Variants in HLA-G observed in about 807,000 individuals in gnomAD.
The protein encoded by HLA-G is HLA class I histocompatibility antigen, alpha chain G.
A neutral mutation model predicts 39.3 loss-of-function variants in HLA-G; 34 were observed. The observed-to-expected ratio is 0.86, with a 90% CI of 0.66 to 1.15. The LOEUF (loss-of-function observed/expected upper bound fraction) is 1.15, where lower values mean the gene tolerates loss of function less well. Ranked by LOEUF, HLA-G falls within the 50% of genes most tolerant of loss-of-function variation. HLA-G has a pLI of 0.00. For synonymous variants in HLA-G, 183 were observed against 185.8 expected, an observed-to-expected ratio of 0.99 and a Z score of 0.12; for missense variants, 419 against 456.4, an observed-to-expected ratio of 0.92 and a Z score of 0.75.
intron 6 of HLA-G, 146 bp downstream of exon 6, chr6:29,830,556 GT>G: frequency 1.2e-6 from 1 of 812,310 alleles, no homozygotes; most frequent in Non-Finnish European, 2.2e-6. Context: ...ACTCTAGGCA[GT>G]GACAGTGCCC....
Position 29,827,858 on chromosome 6 carries a change from C to T in HLA-G, c.14C>T (p.Ala5Val), listed in dbSNP as rs2113848758. Residue 5 changes from alanine (A) to valine (V), a missense_variant, in exon 1 of 7, where the codon GCG becomes GTG. Transcript: ENST00000360323. ...CAGACGCCAAGGATGGTGGTCATGG[C>T]GCCCCGAACCCTCTTCCTGCTGCTC... The part of the protein sequence containing the change: MVVM[A>V]PRTLFLLLSG... 6.2e-7 allele frequency: 1 copy of T among 1,613,380 alleles called. No individual in the cohort carries two copies. Among genetic ancestry groups the T allele is most frequent in the African/African-American group, 1.3e-5 (1 of 75,018 alleles).
chr6:29,827,429 T>G, upstream of HLA-G: 1 of 349,906 alleles, frequency 2.9e-6, no homozygotes, highest in South Asian at 2.3e-5. Flanking sequence ...AGGCAGGGAG[T>G]CCAGTTCAGG....
At chr6:29,828,492 C>CGGGCGA (rs1201954679) in intron 2 of HLA-G, 51 bp from the exon 3 acceptor site, 16 of 1,589,474 alleles carry the variant, frequency 1.0e-5, no homozygotes, top group South Asian at 2.3e-5. Flanking sequence ...CGGGTGGGTC[C>CGGGCGA]GGGCGAGGGC....
In HLA-G at chr6:29,828,715, G is replaced by A. The variant is rs17875402; in HGVS notation, c.516G>A (p.Glu172=). Residue 172 remains glutamate (E), a synonymous_variant, in exon 3 of 7, where the codon GAG becomes GAA. Transcript: ENST00000360323. ...TAAQISKRKC[E]AANVAEQRRA... ...CTCAGATCTCCAAGCGCAAGTGTGA[G>A]GCGGCCAATGTGGCTGAACAAAGGA... 9.2e-4 allele frequency: 1,477 copies of A among 1,613,868 alleles called. 11 individuals carry two copies. The African/African-American group carries it at 0.017, about 19-fold the overall frequency.
At chr6:29,829,096 C>T (rs1761009891) in intron 3 of HLA-G, among the ~76,000 whole-genome samples, 1 of 152,020 alleles carries the variant, frequency 6.6e-6, no homozygotes, top group Non-Finnish European at 1.5e-5. Flanking sequence ...CCCACAGCAG[C>T]CTTGGCACCA....
rs1430565057 is a variant in HLA-G at position 29,829,499 on chromosome 6, C to T, written c.701C>T (p.Pro234Leu). 3.1e-6 allele frequency: 5 copies of T among 1,613,930 alleles called. No individual in the cohort carries two copies. The highest frequency in any genetic ancestry group is 2.2e-5 in the South Asian group (2 of 91,056). ...AGGTGCTGGGCCCTGGGCTTCTACC[C>T]TGCGGAGATCATACTGACCTGGCAG... ...TLRCWALGFY[P>L]AEIILTWQRD... Residue 234 changes from proline to leucine, a missense_variant, in exon 4 of 7, where the codon CCT (proline) becomes CTT (leucine). By Grantham distance (98) the Pro-to-Leu change is moderately conservative. Around this residue, in one of 2 missense-constraint regions of HLA-G, gnomAD observed 328 missense variants for 323.0 expected, o/e 1.02. Coordinates refer to ENST00000360323, the MANE Select transcript of HLA-G (RefSeq NM_001384290.1).
rs768569399 is a variant in HLA-G at position 29,828,300 on chromosome 6, C to G, written c.327C>G (p.Tyr109Ter). 2 of 1,612,998 alleles carry G rather than the reference C, an allele frequency of 1.2e-6. No individual in the cohort carries two copies. The highest frequency in any genetic ancestry group is 1.1e-5 in the South Asian group (1 of 91,034). Residue 109 changes from tyrosine (Y) to a stop codon, truncating the protein, a stop_gained, in exon 2 of 7, where the codon TAC (tyrosine) becomes TAG (stop). Transcript: ENST00000360323. LOFTEE classifies it high-confidence loss of function. ...ACCTGCAGACCCTGCGCGGCTACTA[C>G]AACCAGAGCGAGGCCAGTGAGTAAC... ...RMNLQTLRGY[Y>*]NQSEASSHTL...
In HLA-G at chr6:29,829,447, C is replaced by G. The variant is rs778230490; in HGVS notation, c.649C>G (p.Pro217Ala). Residue 217 changes from proline to alanine, a missense_variant, in exon 4 of 7, where the codon CCT becomes GCT. Pro to Ala is a conservative substitution (Grantham distance 27, BLOSUM62 -1). Transcript: ENST00000360323. ...DPPKTHVTHH[P>A]VFDYEATLRC... ...CCCCAAGACACACGTGACCCACCAC[C>G]CTGTCTTTGACTATGAGGCCACCCT... 3.7e-6 allele frequency: 6 copies of G among 1,613,802 alleles called. No homozygotes were observed. The highest frequency in any genetic ancestry group is 5.1e-6 in the Non-Finnish European group (6 of 1,179,832).
At chr6:29,827,228 T>C (rs1242655460), upstream of HLA-G, among the ~76,000 whole-genome samples, 1 of 152,192 alleles carries the variant, frequency 6.6e-6, no homozygotes, top group Non-Finnish European at 1.5e-5. Context: ...CTACCCACTA[T>C]AGTTAATAAA....
At chr6:29,828,422 C>T (rs1010688900) in intron 2 of HLA-G, 106 bp downstream of exon 2, 12 of 1,549,100 alleles carry the variant, frequency 7.7e-6, no homozygotes, top group East Asian at 2.3e-5. Flanking sequence ...CCCGAGGCCG[C>T]GGGACCCGCC....
chr6:29,828,374 G>C (rs1215204673), intron 2 of HLA-G, 58 bp downstream of exon 2: 28 of 1,569,850 alleles, frequency 1.8e-5, no homozygotes, highest in Non-Finnish European at 2.3e-5. Flanking sequence ...CCCCACGGAC[G>C]GCCCGGGTAC....
rs113783901 is a variant in HLA-G, at chr6:29,828,736, A to G, written c.537A>G (p.Gln179=). ...RKCEAANVAE[Q]RRAYLEGTCV... is the part of the protein sequence containing the mutation. Reference sequence around the variant, plus strand: ...GTGAGGCGGCCAATGTGGCTGAACAAAGGAGAGCCTACCTGGAGGGCACGT... The same window carrying G: ...GTGAGGCGGCCAATGTGGCTGAACAGAGGAGAGCCTACCTGGAGGGCACGT... Residue 179 remains glutamine, a synonymous_variant, in exon 3 of 7, where the codon CAA becomes CAG. Coordinates refer to ENST00000360323, the MANE Select transcript of HLA-G (RefSeq NM_001384290.1). 2 of 1,613,754 alleles carry G rather than the reference A, an allele frequency of 1.2e-6. No individual in the cohort carries two copies. Among genetic ancestry groups the G allele is most frequent in the Non-Finnish European group, 1.7e-6 (2 of 1,179,978 alleles).
intron 1 of HLA-G, 52 bp downstream of exon 1, chr6:29,827,969 C>G (rs1011941129): frequency 4.4e-6 from 7 of 1,588,076 alleles, no homozygotes; most frequent in Non-Finnish European, 6.0e-6. Flanking sequence ...AGGGAGGGGC[C>G]GGCCCGGCGG....
rs1628628 is a variant in HLA-G, at chr6:29,828,032, C to T, written c.74-15C>T. The T allele has an allele frequency of 0.41, 653,915 of 1,599,672 alleles. 129,446 individuals are homozygous for T. Among genetic ancestry groups the T allele is most frequent in the South Asian group, 0.5 (45,059 of 90,032 alleles). ...GAGGAGGGTCGGGCGGGTCTCAACC[C>T]CTCCTCGCCCCCAGGCTCCCACTCC... On this transcript the variant is annotated splice_polypyrimidine_tract_variant and intron_variant, in intron 1 of 6. Transcript: ENST00000360323.
In HLA-G at chr6:29,828,694, G is replaced by A. The variant is rs75783850; in HGVS notation, c.495G>A (p.Gln165=). 1.2e-6 allele frequency: 2 copies of A among 1,613,716 alleles called. No individual in the cohort carries two copies. Among genetic ancestry groups the A allele is most frequent in the South Asian group, 1.1e-5 (1 of 91,092 alleles). ...GGACCGCAGCGGACACTGCGGCTCA[G>A]ATCTCCAAGCGCAAGTGTGAGGCGG... The part of the protein sequence containing the change: ...RSWTAADTAA[Q]ISKRKCEAAN... The change falls in exon 3 of 7, where the codon CAG becomes CAA. Residue 165 remains glutamine (Q), a synonymous_variant. Transcript: ENST00000360323.
In HLA-G at chr6:29,829,529, A is replaced by G. The variant is rs754527717; in HGVS notation, c.731A>G (p.Asp244Gly). The G allele has an allele frequency of 8.1e-6, 13 of 1,613,644 alleles. No individual in the cohort carries two copies. The highest frequency in any genetic ancestry group is 1.1e-5 in the Non-Finnish European group (13 of 1,179,876). The change falls in exon 4 of 7, where the codon GAT (aspartate) becomes GGT (glycine). Residue 244 changes from aspartate (D) to glycine (G), a missense_variant. Transcript: ENST00000360323. ...PAEIILTWQR[D>G]GEDQTQDVEL... ...GAGATCATACTGACCTGGCAGCGGG[A>G]TGGGGAGGACCAGACCCAGGACGTG... is the stretch of plus-strand genomic sequence containing the variant.
At chr6:29,827,564 C>T, upstream of HLA-G, 3 of 456,974 alleles carry the variant, frequency 6.6e-6, no homozygotes, top group South Asian at 6.0e-5. Context: ...ACGCTTGGCA[C>T]AAGAGTAGCG....
At chr6:29,830,617 C>G in intron 6 of HLA-G, 151 bp from the exon 7 acceptor site, 1 of 729,228 alleles carries the variant, frequency 1.4e-6, no homozygotes. Context: ...CCCCGGGGGG[C>G]CTGATGTGTG....
At chr6:29,827,979 G>C (rs1760823702) in intron 1 of HLA-G, 62 bp downstream of exon 1, 9 of 1,589,770 alleles carry the variant, frequency 5.7e-6, no homozygotes, top group Non-Finnish European at 6.0e-6. Flanking sequence ...CGGCCCGGCG[G>C]GGGCGCAGGA....
Sources: gnomAD v4.1 joint callset for allele counts (sites outside exome capture counted in the v4.1 genomes callset) on GRCh38, gnomAD v4.1.1 for gene constraint, gnomAD v4.1.1 regional missense constraint, MANE v1.5 for transcripts, NCBI Gene and HGNC (gene_info 2026-07-23, HGNC 2026-07-21) for gene names.